The following HMBOX1 variants were observed in gnomAD, a reference collection of about 807,000 sequenced individuals.
HMBOX1 encodes the protein homeobox-containing protein 1.
Under a neutral mutation model 54.5 loss-of-function variants are expected in HMBOX1, and 14 were observed. The ratio of observed to expected loss-of-function variants is 0.26; its 90% CI spans 0.17 to 0.40. The LOEUF (loss-of-function observed/expected upper bound fraction) is 0.40, where lower values mean the gene tolerates loss of function less well. Among genes scored for constraint, HMBOX1 ranks in the 10% least tolerant of loss-of-function variants. The pLI, the probability that HMBOX1 is intolerant of heterozygous loss-of-function variation, is 1.00. For missense variants in HMBOX1, 332 were observed against 514.4 expected (o/e 0.65, Z 3.43); for synonymous variants, 160 against 181.0 (o/e 0.88, Z 0.93).
At chr8:28,934,250 C>T (rs879432874) in intron 1 of HMBOX1, among the ~76,000 whole-genome samples, 8 of 152,162 alleles carry the variant, frequency 5.3e-5, no homozygotes, top group Non-Finnish European at 1.0e-4. Flanking sequence ...TGCAGAAAGA[C>T]ATCATTCGTA....
At chr8:28,929,815 CCA>C (rs1819167334) in intron 1 of HMBOX1, among the ~76,000 whole-genome samples, 1 of 152,096 alleles carries the variant, frequency 6.6e-6, no homozygotes, top group South Asian at 2.1e-4. Context: ...CCCCTGCCAC[CCA>C]CACTCTTGAT....
intron 6 of HMBOX1, among the ~76,000 whole-genome samples, chr8:29,027,409 GGA>G (rs1435914352): frequency 6.6e-6 from 1 of 152,172 alleles, no homozygotes; most frequent in Non-Finnish European, 1.5e-5. Context: ...TCATGGCCTA[GGA>G]GAGTGACTTC....
intron 1 of HMBOX1, among the ~76,000 whole-genome samples, chr8:28,899,308 T>C (rs1460932445): frequency 6.6e-6 from 1 of 152,192 alleles, no homozygotes; most frequent in African/African-American, 2.4e-5. Flanking sequence ...CTATCCCTTA[T>C]TGAATAAAGA....
intron 1 of HMBOX1, among the ~76,000 whole-genome samples, chr8:28,906,881 C>T (rs1814442954): frequency 6.6e-6 from 1 of 152,146 alleles, no homozygotes; most frequent in South Asian, 2.1e-4. Context: ...CGTGAGCCAC[C>T]ACACCTGGCC....
At chr8:29,001,078 A>G (rs1832565645) in intron 4 of HMBOX1, among the ~76,000 whole-genome samples, 1 of 152,174 alleles carries the variant, frequency 6.6e-6, no homozygotes, top group Admixed American at 6.5e-5. Flanking sequence ...TGTCACTCCA[A>G]TTCAAGAGAT....
chr8:29,050,979 C>G, intron 9 of HMBOX1, 39 bp from the exon 10 acceptor site: 4 of 1,593,410 alleles, frequency 2.5e-6, no homozygotes, highest in Non-Finnish European at 3.4e-6. Flanking sequence ...AAGAATTCTT[C>G]CAATCCACTA....
intron 6 of HMBOX1, among the ~76,000 whole-genome samples, chr8:29,030,372 C>G (rs1398450679): frequency 6.6e-6 from 1 of 151,718 alleles, no homozygotes; most frequent in East Asian, 1.9e-4. Flanking sequence ...CATGTGCCAC[C>G]CCAGGCCCAG....
chr8:28,977,552 C>G, intron 3 of HMBOX1, among the ~76,000 whole-genome samples: 1 of 152,188 alleles, frequency 6.6e-6, no homozygotes. Flanking sequence ...TTTTAGTCAG[C>G]AGTTATTTTG....
chr8:28,942,841 G>A (rs77096079), intron 1 of HMBOX1, among the ~76,000 whole-genome samples: 123 of 152,128 alleles, frequency 8.1e-4, no homozygotes, highest in Admixed American at 2.0e-3. Flanking sequence ...AAATTATTTT[G>A]CTTATGAGTG....
intron 1 of HMBOX1, among the ~76,000 whole-genome samples, chr8:28,934,397 A>T (rs1411607155): frequency 6.6e-6 from 1 of 152,202 alleles, no homozygotes; most frequent in Non-Finnish European, 1.5e-5. Flanking sequence ...TTCTCTTGGG[A>T]CTGGCAGCAG....
chr8:28,952,190 A>C (rs528609073), intron 1 of HMBOX1, among the ~76,000 whole-genome samples: 1 of 151,858 alleles, frequency 6.6e-6, no homozygotes, highest in African/African-American at 2.4e-5. Context: ...AAGAAAAGAA[A>C]ATGAGAAAAC....
intron 6 of HMBOX1, among the ~76,000 whole-genome samples, chr8:29,034,202 T>C (rs1490614431): frequency 1.3e-5 from 2 of 152,246 alleles, no homozygotes; most frequent in African/African-American, 4.8e-5. Flanking sequence ...TTGAATGGAC[T>C]GTGTTAGTTT....
intron 1 of HMBOX1, among the ~76,000 whole-genome samples, chr8:28,896,540 T>C (rs575601682): frequency 6.7e-6 from 1 of 149,136 alleles, no homozygotes; most frequent in Admixed American, 6.6e-5. Flanking sequence ...CTTTGCCTTA[T>C]GTAATACAGT....
At position 28,919,971 on chromosome 8, in the gene HMBOX1, T is replaced by TTGTGTG. The variant is rs5890431; in HGVS notation, c.-58+29319_-58+29324dup. Among the ~76,000 whole-genome samples the TTGTGTG allele has an allele frequency of 2.9e-3, 436 of 148,986 alleles. 2 individuals are homozygous for TTGTGTG. Among genetic ancestry groups the TTGTGTG allele is most frequent in the African/African-American group, 0.01 (417 of 40,654 alleles). The stretch of plus-strand genomic sequence containing the variant: ...AATATTATAAAGAACAAGTGAAGTT[T>TTGTGTG]TGTGTGTGTGTGTGTGTGTGTGTGT... On this transcript the variant is annotated intron_variant, in intron 1 of 9. Transcript: ENST00000287701.
At chr8:29,047,562 C>CTTT in intron 8 of HMBOX1, 109 bp downstream of exon 8, 6 of 414,348 alleles carry the variant, frequency 1.4e-5, no homozygotes, top group East Asian at 4.4e-5. Flanking sequence ...ATCCTAACTT[C>CTTT]TCTTTTTTTT....
chr8:28,973,613 C>T (rs572176321), intron 3 of HMBOX1, among the ~76,000 whole-genome samples: 24 of 151,960 alleles, frequency 1.6e-4, no homozygotes, highest in South Asian at 6.3e-4. Context: ...TATGATAGCC[C>T]GTTGGAAGTG....
At chr8:28,964,168 T>A (rs1295507426) in intron 2 of HMBOX1, among the ~76,000 whole-genome samples, 1 of 152,178 alleles carries the variant, frequency 6.6e-6, no homozygotes, top group Non-Finnish European at 1.5e-5. Flanking sequence ...TAAAATTAAT[T>A]ATTATTTTTA....
intron 4 of HMBOX1, among the ~76,000 whole-genome samples, chr8:28,985,301 C>T (rs970487684): frequency 9.2e-5 from 14 of 152,110 alleles, no homozygotes; most frequent in Non-Finnish European, 1.5e-4. Context: ...GCAGGGGGAA[C>T]GGGTCTCTCT....
chr8:28,967,213 A>C (rs914694800), intron 2 of HMBOX1, among the ~76,000 whole-genome samples: 1 of 152,152 alleles, frequency 6.6e-6, no homozygotes, highest in Non-Finnish European at 1.5e-5. Context: ...CACTGGCCAG[A>C]AGGTGGGGTA....
Sources: allele counts gnomAD v4.1 joint callset (sites outside exome capture counted in the v4.1 genomes callset), GRCh38; gene constraint gnomAD v4.1.1; transcripts MANE v1.5; gene names NCBI Gene and HGNC (gene_info 2026-07-23, HGNC 2026-07-21).